Variants in LRP2 observed in about 807,000 individuals in gnomAD.
The protein encoded by LRP2 is low-density lipoprotein receptor-related protein 2.
Under a neutral mutation model 531.0 loss-of-function variants are expected in LRP2, and 172 were observed. That is an observed-to-expected ratio of 0.32 (90% CI 0.29 to 0.37). LRP2 has a LOEUF of 0.37. Ranked by LOEUF, LRP2 falls within the 10% of genes least tolerant of loss-of-function variation. The pLI is 1.00. For missense variants in LRP2, 5,167 were observed against 5,868.3 expected (o/e 0.88, Z 3.90); for synonymous variants, 1,992 against 2,027.6 (o/e 0.98, Z 0.47).
At chr2:169,349,382 G>A (rs1174648375) in intron 1 of LRP2, among the ~76,000 whole-genome samples, 1 of 152,166 alleles carries the variant, frequency 6.6e-6, no homozygotes, top group Non-Finnish European at 1.5e-5. Context: ...TGCTCACCAT[G>A]TCAGGGAAAA....
chr2:169,258,811 G>A (rs1427678762), intron 17 of LRP2, among the ~76,000 whole-genome samples: 1 of 151,986 alleles, frequency 6.6e-6, no homozygotes, highest in African/African-American at 2.4e-5. Flanking sequence ...AAAGCCAAAA[G>A]TTAGAAGAAA....
intron 1 of LRP2, among the ~76,000 whole-genome samples, chr2:169,328,441 TAAAAAAAAAAAA>T (rs537210492): frequency 0.018 from 883 of 49,146 alleles, 13 homozygotes; most frequent in African/African-American, 0.057. Context: ...CGGGCCGGGA[TAAAAAAAAAAAA>T]AAAAAAAAAA....
chr2:169,304,326 G>T (rs569145099), intron 4 of LRP2, among the ~76,000 whole-genome samples: 2 of 152,208 alleles, frequency 1.3e-5, no homozygotes, highest in East Asian at 1.9e-4. Context: ...CTTGGAACTA[G>T]AAGACAAATT....
intron 1 of LRP2, among the ~76,000 whole-genome samples, chr2:169,352,340 C>T (rs1405777948): frequency 6.6e-6 from 1 of 152,196 alleles, no homozygotes; most frequent in Non-Finnish European, 1.5e-5. Context: ...GAGGGTAGTA[C>T]TTCATGTCAC....
intron 71 of LRP2, among the ~76,000 whole-genome samples, chr2:169,142,169 T>C (rs1228714130): frequency 6.6e-6 from 1 of 152,226 alleles, no homozygotes; most frequent in Non-Finnish European, 1.5e-5. Context: ...AAAAAAGTCT[T>C]GCCAAGAATA....
In LRP2 at chr2:169,291,001, T is replaced by G; in HGVS notation, c.770-4A>C. 1.2e-6 allele frequency: 2 copies of G among 1,613,450 alleles called. No individual in the cohort carries two copies. Among genetic ancestry groups the G allele is most frequent in the Non-Finnish European group, 1.7e-6 (2 of 1,179,676 alleles). On this transcript the variant is annotated splice_region_variant and splice_polypyrimidine_tract_variant and intron_variant, in intron 7 of 78. Transcript: ENST00000649046. The stretch of plus-strand genomic sequence containing the variant: ...TGAACATCATGAGGACCGCTTTCTG[T>G]GGGGGGAAAAAGAGAGAGTTACAGG...
intron 5 of LRP2, 128 bp downstream of exon 5, chr2:169,294,472 G>C (rs926624519): frequency 2.5e-6 from 2 of 795,958 alleles, no homozygotes; most frequent in African/African-American, 3.4e-5. Context: ...TCCTACCAAC[G>C]GCTGACTTCA....
chr2:169,327,134 G>A (rs1388119134), intron 1 of LRP2, among the ~76,000 whole-genome samples: 1 of 140,494 alleles, frequency 7.1e-6, no homozygotes, highest in Non-Finnish European at 1.6e-5. Context: ...GGAGGGAGGT[G>A]GGGGGGTCAG....
chr2:169,216,560 T>C (rs1292011129), intron 34 of LRP2, 130 bp from the exon 35 acceptor site: 4 of 843,906 alleles, frequency 4.7e-6, no homozygotes, highest in Non-Finnish European at 3.9e-6. Flanking sequence ...AAAATCAATA[T>C]CTCGTTGCAT....
Position 169,206,348 on chromosome 2 carries a change from G to A in LRP2, c.7372C>T (p.Pro2458Ser), listed in dbSNP as rs2105332623. 1 of 1,613,962 alleles carries A rather than the reference G, an allele frequency of 6.2e-7. No individual in the cohort carries two copies. Among genetic ancestry groups the A allele is most frequent in the East Asian group, 2.2e-5 (1 of 44,876 alleles). ...CACTTACCTGAAGCAATGACAGTTGGAGTATGGATCCCTGAAGACAGGGTG... is the reference window on the plus strand; with the variant it reads ...CACTTACCTGAAGCAATGACAGTTGAAGTATGGATCCCTGAAGACAGGGTG... ...YATLSSGIHTPTVIASGIGTA... is the reference protein window; with the variant it reads ...YATLSSGIHTSTVIASGIGTA... The change falls in exon 39 of 79, where the codon CCA (proline) becomes TCA (serine). Residue 2458 changes from proline to serine, a missense_variant. Physicochemically the swap from Pro to Ser is moderately conservative, Grantham distance 74. Transcript: ENST00000649046.
chr2:169,224,396 A>T (rs1359785354), intron 33 of LRP2, among the ~76,000 whole-genome samples: 2 of 152,198 alleles, frequency 1.3e-5, no homozygotes, highest in African/African-American at 4.8e-5. Context: ...GACTTACTTC[A>T]TGTGATTTCA....
At chr2:169,241,526 C>T (rs954537642) in intron 24 of LRP2, among the ~76,000 whole-genome samples, 161 bp from the exon 25 acceptor site, 1 of 152,204 alleles carries the variant, frequency 6.6e-6, no homozygotes, top group Non-Finnish European at 1.5e-5. Context: ...TCTTCTCCCA[C>T]ACTCTAGTAC....
At chr2:169,192,067 G>A (rs763819363) in intron 47 of LRP2, 34 bp from the exon 48 acceptor site, 2 of 1,558,576 alleles carry the variant, frequency 1.3e-6, no homozygotes, top group Non-Finnish European at 1.8e-6. Context: ...CAGAAAGCAT[G>A]AGAGCTCAGT....
At chr2:169,301,337 G>A (rs775314852) in intron 4 of LRP2, among the ~76,000 whole-genome samples, 46 of 151,540 alleles carry the variant, frequency 3.0e-4, no homozygotes, top group Non-Finnish European at 6.3e-4. Context: ...TGCATGAGTG[G>A]TTTTTCCTTG....
intron 1 of LRP2, among the ~76,000 whole-genome samples, chr2:169,333,595 AT>A (rs1175069786): frequency 6.6e-6 from 1 of 152,166 alleles, no homozygotes; most frequent in African/African-American, 2.4e-5. Context: ...TTTATAAGCA[AT>A]TTGCTAATAT....
rs115483533 is a variant in LRP2, at chr2:169,168,859, G to C, written c.11498-183C>G. Among the ~76,000 whole-genome samples the C allele has an allele frequency of 9.5e-3, 1,454 of 152,294 alleles. 20 individuals are homozygous for C. The highest frequency in any genetic ancestry group is 0.033 in the African/African-American group (1,369 of 41,564). On this transcript the variant is annotated intron_variant, in intron 60 of 78. Transcript: ENST00000649046. ...CTATGTCTTAAGGGCAGTTGTCAGAGCCCAGTCAGTTTCCAATGGCATGAA... is the reference window on the plus strand; with the variant it reads ...CTATGTCTTAAGGGCAGTTGTCAGACCCCAGTCAGTTTCCAATGGCATGAA...
At chr2:169,212,617 C>T (rs890357771) in intron 36 of LRP2, among the ~76,000 whole-genome samples, 2 of 151,704 alleles carry the variant, frequency 1.3e-5, no homozygotes, top group South Asian at 2.1e-4. Context: ...AATGGCATTC[C>T]CAGTGACTTG....
intron 1 of LRP2, among the ~76,000 whole-genome samples, chr2:169,359,447 C>CT (rs528635247): frequency 1.3e-5 from 2 of 152,054 alleles, no homozygotes; most frequent in Non-Finnish European, 2.9e-5. Flanking sequence ...ACTCAGAGCT[C>CT]TTTTTTTTCC....
chr2:169,317,571 C>T (rs1304978288), intron 3 of LRP2, among the ~76,000 whole-genome samples: 4 of 152,174 alleles, frequency 2.6e-5, no homozygotes, highest in Non-Finnish European at 5.9e-5. Context: ...TATAGTTAGG[C>T]TTCTTATTAT....
Sources: allele counts gnomAD v4.1 joint callset (sites outside exome capture counted in the v4.1 genomes callset), GRCh38; gene constraint gnomAD v4.1.1; transcripts MANE v1.5; gene names NCBI Gene and HGNC (gene_info 2026-07-23, HGNC 2026-07-21).